Variants in LHFPL3 observed in about 807,000 individuals in gnomAD.
LHFPL3 encodes LHFPL tetraspan subfamily member 3.
In LHFPL3, 5 loss-of-function variants were observed where a neutral mutation model predicts 19.3. That is an observed-to-expected ratio of 0.26 (90% CI 0.14 to 0.54). The LOEUF (loss-of-function observed/expected upper bound fraction) is 0.54. Ranked by LOEUF, LHFPL3 falls within the 20% of genes least tolerant of loss-of-function variation. The pLI is 0.94. For synonymous variants in LHFPL3, 133 were observed against 126.2 expected (o/e 1.05, Z -0.36); for missense variants, 249 against 307.4 (o/e 0.81, Z 1.42).
rs565112691 is a variant in LHFPL3, at chr7:104,735,453, G to A, written c.446-1222G>A. Among the ~76,000 whole-genome samples the A allele has an allele frequency of 3.9e-5, 6 of 152,332 alleles. No homozygotes were observed. The East Asian group carries it at 9.6e-4, about 24-fold the overall frequency. On this transcript the variant is annotated intron_variant, in intron 1 of 2. Coordinates refer to ENST00000424859, the MANE Select transcript of LHFPL3 (RefSeq NM_199000.3). ...CTCCCAGCCTAGCTGCCACCTTGCA[G>A]TTTGATCTCAGACTGCTGTGCTAGC...
intron 2 of LHFPL3, among the ~76,000 whole-genome samples, chr7:104,822,984 G>A (rs1363898657): frequency 1.3e-5 from 2 of 152,094 alleles, no homozygotes; most frequent in Non-Finnish European, 2.9e-5. Context: ...GTACCTTGGG[G>A]TCCCAGGCCT....
At chr7:104,818,915 T>G (rs1188200322) in intron 2 of LHFPL3, among the ~76,000 whole-genome samples, 3 of 152,188 alleles carry the variant, frequency 2.0e-5, no homozygotes, top group Non-Finnish European at 4.4e-5. Context: ...TCTCTGGTAG[T>G]GCCATCATAG....
chr7:104,815,929 T>G (rs1449779560), intron 2 of LHFPL3, among the ~76,000 whole-genome samples: 3 of 152,220 alleles, frequency 2.0e-5, no homozygotes, highest in Non-Finnish European at 4.4e-5. Context: ...GATTCATGCA[T>G]GGAACTGCTT....
At chr7:104,653,101 G>C (rs767239030) in intron 1 of LHFPL3, among the ~76,000 whole-genome samples, 1 of 152,188 alleles carries the variant, frequency 6.6e-6, no homozygotes, top group South Asian at 2.1e-4. Context: ...GGAGGCCTGG[G>C]TTGTCCCAGG....
At chr7:104,660,004 GTTTT>G (rs35499793) in intron 1 of LHFPL3, among the ~76,000 whole-genome samples, 4 of 140,494 alleles carry the variant, frequency 2.8e-5, no homozygotes, top group Non-Finnish European at 6.2e-5. Context: ...ACAGCAACTC[GTTTT>G]TTTTTTTTTT....
At chr7:104,615,763 A>G (rs1257708828) in intron 1 of LHFPL3, among the ~76,000 whole-genome samples, 1 of 150,928 alleles carries the variant, frequency 6.6e-6, no homozygotes, top group East Asian at 2.0e-4. Flanking sequence ...CTTATGAGTG[A>G]GAACATGCGG....
chr7:104,847,808 G>A (rs556235921), intron 2 of LHFPL3, among the ~76,000 whole-genome samples: 31 of 152,340 alleles, frequency 2.0e-4, no homozygotes, highest in East Asian at 9.6e-4. Flanking sequence ...CACTGTGACC[G>A]GCTATGATGA....
At chr7:104,338,259 CGATTA>C (rs1789876486) in intron 1 of LHFPL3, among the ~76,000 whole-genome samples, 1 of 151,464 alleles carries the variant, frequency 6.6e-6, no homozygotes, top group Admixed American at 6.6e-5. Context: ...CCACCACGCC[CGATTA>C]ATTTTTTTGT....
intron 2 of LHFPL3, among the ~76,000 whole-genome samples, chr7:104,889,555 G>A (rs752607546): frequency 2.6e-5 from 4 of 152,126 alleles, no homozygotes; most frequent in South Asian, 2.1e-4. Flanking sequence ...TGGGAGAATC[G>A]CTTGAACCTG....
intron 1 of LHFPL3, among the ~76,000 whole-genome samples, chr7:104,492,902 A>G (rs1307821403): frequency 6.6e-6 from 1 of 151,560 alleles, no homozygotes; most frequent in Non-Finnish European, 1.5e-5. Context: ...GCCACTCCCT[A>G]CTTTCATCTC....
chr7:104,441,511 C>T (rs1257703477), intron 1 of LHFPL3, among the ~76,000 whole-genome samples: 1 of 152,142 alleles, frequency 6.6e-6, no homozygotes, highest in Admixed American at 6.5e-5. Context: ...CATATCTTAG[C>T]TATTGTGAAT....
intron 1 of LHFPL3, among the ~76,000 whole-genome samples, chr7:104,650,689 A>G (rs1445807142): frequency 1.3e-5 from 2 of 152,144 alleles, no homozygotes; most frequent in Non-Finnish European, 2.9e-5. Flanking sequence ...GCTTCTGGAT[A>G]CCCTTGGCTT....
chr7:104,557,726 G>T (rs1314926033), intron 1 of LHFPL3, among the ~76,000 whole-genome samples: 1 of 150,896 alleles, frequency 6.6e-6, no homozygotes, highest in Non-Finnish European at 1.5e-5. Context: ...TGTGCACATT[G>T]TGCAGGTTAG....
intron 1 of LHFPL3, among the ~76,000 whole-genome samples, chr7:104,647,906 C>G (rs1791959861): frequency 6.6e-6 from 1 of 152,200 alleles, no homozygotes; most frequent in Non-Finnish European, 1.5e-5. Context: ...AGCCAACCAC[C>G]AGGGTCTACT....
At chr7:104,562,282 C>T (rs1022244363) in intron 1 of LHFPL3, among the ~76,000 whole-genome samples, 1 of 151,860 alleles carries the variant, frequency 6.6e-6, no homozygotes, top group Non-Finnish European at 1.5e-5. Context: ...GAGTGTTTTC[C>T]AACTTGGTTC....
At chr7:104,762,050 G>A (rs939688022) in intron 2 of LHFPL3, among the ~76,000 whole-genome samples, 2 of 152,190 alleles carry the variant, frequency 1.3e-5, no homozygotes, top group Non-Finnish European at 2.9e-5. Flanking sequence ...TTCTGATTCA[G>A]TAGATTCTGC....
intron 1 of LHFPL3, among the ~76,000 whole-genome samples, chr7:104,407,634 C>T (rs529092001): frequency 7.9e-5 from 12 of 152,218 alleles, no homozygotes; most frequent in Non-Finnish European, 1.0e-4. Context: ...CCAGCCTGGG[C>T]GACAAGAGTG....
chr7:104,761,643 C>T (rs990177533), intron 2 of LHFPL3, among the ~76,000 whole-genome samples: 1 of 152,098 alleles, frequency 6.6e-6, no homozygotes, highest in African/African-American at 2.4e-5. Context: ...TCTCTCTTTA[C>T]CGTACAGTTC....
intron 2 of LHFPL3, chr7:104,895,341 C>T (rs1452163967): frequency 3.3e-5 from 5 of 152,196 alleles, no homozygotes; most frequent in African/African-American, 1.2e-4. Context: ...TCTCTGAAAT[C>T]CTAATCATCT....
Sources: allele counts gnomAD v4.1 joint callset (sites outside exome capture counted in the v4.1 genomes callset), GRCh38; gene constraint gnomAD v4.1.1; transcripts MANE v1.5; gene names NCBI Gene and HGNC (gene_info 2026-07-23, HGNC 2026-07-21).